The following RFC3 variants were observed in gnomAD, a reference collection of about 807,000 sequenced individuals.
RFC3 encodes A1 38 kDa subunit.
Under a neutral mutation model 45.1 loss-of-function variants are expected in RFC3, and 41 were observed. That is an observed-to-expected ratio of 0.91 (90% CI 0.71 to 1.18). RFC3 has a LOEUF of 1.18. Among genes scored for constraint, RFC3 ranks in the 50% most tolerant of loss-of-function variants. The pLI is 0.00. For synonymous variants in RFC3, 149 were observed against 144.0 expected (o/e 1.03, Z -0.25); for missense variants, 423 against 428.1 (o/e 0.99, Z 0.10).
At chr13:33,910,533 G>A (rs1485612090) in intron 8 of RFC3, among the ~76,000 whole-genome samples, 1 of 152,074 alleles carries the variant, frequency 6.6e-6, no homozygotes, top group East Asian at 1.9e-4. Context: ...ACTTGGCCCA[G>A]CTAGAGAGAT....
intron 8 of RFC3, among the ~76,000 whole-genome samples, chr13:33,933,577 G>T (rs1416327058): frequency 6.6e-6 from 1 of 152,082 alleles, no homozygotes; most frequent in Non-Finnish European, 1.5e-5. Flanking sequence ...GTGTAACAAA[G>T]ATAATAAATC....
chr13:33,948,296 C>T (rs2082967035), intron 8 of RFC3, among the ~76,000 whole-genome samples: 2 of 152,188 alleles, frequency 1.3e-5, no homozygotes, highest in Non-Finnish European at 2.9e-5. Flanking sequence ...TGGTGGCTTA[C>T]CTGTGGTGTT....
chr13:33,936,164 A>G (rs146830657), intron 8 of RFC3, among the ~76,000 whole-genome samples: 271 of 152,246 alleles, frequency 1.8e-3, no homozygotes, highest in Middle Eastern at 6.8e-3. Flanking sequence ...TGGAAGCCAC[A>G]GGTGGTCATT....
intron 8 of RFC3, among the ~76,000 whole-genome samples, chr13:33,870,402 A>G (rs1329520422): frequency 6.6e-6 from 1 of 152,214 alleles, no homozygotes; most frequent in Non-Finnish European, 1.5e-5. Context: ...TGACATCTCA[A>G]TGATGGCAAA....
At chr13:33,959,584 T>C (rs2083043398) in intron 8 of RFC3, among the ~76,000 whole-genome samples, 1 of 152,154 alleles carries the variant, frequency 6.6e-6, no homozygotes, top group Admixed American at 6.5e-5. Context: ...GCAATTTGTT[T>C]ACATCCAGAA....
intron 8 of RFC3, among the ~76,000 whole-genome samples, chr13:33,950,105 A>ACACACC (rs1491107125): frequency 3.0e-5 from 4 of 132,178 alleles, no homozygotes; most frequent in Admixed American, 1.5e-4. Context: ...ACACACACAC[A>ACACACC]CCCCGTTATG....
At chr13:33,889,276 G>T (rs776898430) in intron 8 of RFC3, among the ~76,000 whole-genome samples, 15 of 152,132 alleles carry the variant, frequency 9.9e-5, no homozygotes, top group Admixed American at 3.3e-4. Flanking sequence ...AATCATAAGC[G>T]TTGAACCAAC....
intron 8 of RFC3, among the ~76,000 whole-genome samples, chr13:33,941,083 A>G (rs1442724222): frequency 1.3e-5 from 2 of 152,188 alleles, no homozygotes; most frequent in East Asian, 1.9e-4. Context: ...TGGGAGCTGG[A>G]CATGCGTACT....
At chr13:33,842,830 A>C (rs1164050138) in intron 8 of RFC3, among the ~76,000 whole-genome samples, 1 of 152,210 alleles carries the variant, frequency 6.6e-6, no homozygotes, top group East Asian at 1.9e-4. Context: ...CTAGGATTCT[A>C]ACCTAAGGCC....
intron 8 of RFC3, among the ~76,000 whole-genome samples, chr13:33,944,767 A>G (rs965298944): frequency 2.6e-5 from 4 of 152,092 alleles, no homozygotes; most frequent in East Asian, 3.9e-4. Context: ...CACACACTCA[A>G]ATTTCCACAT....
At chr13:33,913,898 G>T (rs2082717524) in intron 8 of RFC3, among the ~76,000 whole-genome samples, 1 of 152,016 alleles carries the variant, frequency 6.6e-6, no homozygotes. Context: ...TATAATAACA[G>T]AAGACTTCAT....
In RFC3 at chr13:33,818,213, C is replaced by G. The variant is rs1203964059; in HGVS notation, c.35C>G (p.Ser12Cys). 4 of 1,613,550 alleles carry G rather than the reference C, an allele frequency of 2.5e-6. No homozygotes were observed. The African/African-American group carries it at 5.3e-5, about 22-fold the overall frequency. Residue 12 changes from serine to cysteine, a missense_variant, in exon 1 of 9, where the codon TCC becomes TGC. By Grantham distance (112) the Ser-to-Cys change is moderately radical. Transcript: ENST00000380071. ...SLWVDKYRPCSLGRLDYHKEQ... is the reference protein window; with the variant it reads ...SLWVDKYRPCCLGRLDYHKEQ... Reference sequence around the variant, plus strand: ...TGGGTGGACAAGTATCGGCCCTGCTCCTTGGGACGGCTGGACTATCACAAG... The same window carrying G: ...TGGGTGGACAAGTATCGGCCCTGCTGCTTGGGACGGCTGGACTATCACAAG...
At chr13:33,877,776 GA>G (rs2082458033) in intron 8 of RFC3, among the ~76,000 whole-genome samples, 1 of 148,192 alleles carries the variant, frequency 6.7e-6, no homozygotes, top group South Asian at 2.1e-4. Context: ...AAAAGAAAAT[GA>G]AAAGGTTTTA....
At chr13:33,929,154 G>C (rs1395760204) in intron 8 of RFC3, among the ~76,000 whole-genome samples, 2 of 152,004 alleles carry the variant, frequency 1.3e-5, no homozygotes, top group Non-Finnish European at 2.9e-5. Context: ...TACCACGAAA[G>C]GTAAAGGAAG....
chr13:33,920,425 T>C (rs1459632736), intron 8 of RFC3, among the ~76,000 whole-genome samples: 3 of 138,592 alleles, frequency 2.2e-5, no homozygotes, highest in Admixed American at 1.4e-4. Flanking sequence ...CCACACTTTT[T>C]TTTTTTTTTT....
In RFC3 at chr13:33,818,204, G is replaced by C; in HGVS notation, c.26G>C (p.Arg9Pro). The change falls in exon 1 of 9, where the codon CGG (arginine) becomes CCG (proline). Residue 9 changes from arginine to proline, a missense_variant. Physicochemically the swap from Arg to Pro is moderately radical, Grantham distance 103. Transcript: ENST00000380071. ...ATGAGCCTCTGGGTGGACAAGTATCGGCCCTGCTCCTTGGGACGGCTGGAC... is the reference window on the plus strand; with the variant it reads ...ATGAGCCTCTGGGTGGACAAGTATCCGCCCTGCTCCTTGGGACGGCTGGAC... MSLWVDKY[R>P]PCSLGRLDYH... 1 of 1,613,564 alleles carries C rather than the reference G, an allele frequency of 6.2e-7. No individual in the cohort carries two copies. The highest frequency in any genetic ancestry group is 1.1e-5 in the South Asian group (1 of 91,064).
intron 8 of RFC3, among the ~76,000 whole-genome samples, chr13:33,932,242 T>C (rs1249327686): frequency 6.6e-6 from 1 of 152,170 alleles, no homozygotes; most frequent in Non-Finnish European, 1.5e-5. Context: ...TTTAATCTGC[T>C]GTAGAGAAAT....
At chr13:33,835,260 T>C (rs372589710) in intron 8 of RFC3, 43 bp downstream of exon 8, 1 of 1,301,668 alleles carries the variant, frequency 7.7e-7, no homozygotes, top group Non-Finnish European at 1.1e-6. Flanking sequence ...GCTATAAAAT[T>C]TGGACGCTGG....
intron 8 of RFC3, among the ~76,000 whole-genome samples, chr13:33,919,810 T>C (rs1479155674): frequency 6.6e-6 from 1 of 152,158 alleles, no homozygotes; most frequent in Non-Finnish European, 1.5e-5. Flanking sequence ...ATGGAGGATA[T>C]AGGCTGAGGA....
Sources: allele counts gnomAD v4.1 joint callset (sites outside exome capture counted in the v4.1 genomes callset), GRCh38; gene constraint gnomAD v4.1.1; transcripts MANE v1.5; gene names NCBI Gene and HGNC (gene_info 2026-07-23, HGNC 2026-07-21).